LDB2: variants seen among roughly 807,000 people sequenced by gnomAD.
The protein encoded by LDB2 is LIM domain binding 2, also known as LIM domain-binding protein 2.
A neutral mutation model predicts 44.3 loss-of-function variants in LDB2; 12 were observed. That is an observed-to-expected ratio of 0.27 (90% CI 0.17 to 0.44). The LOEUF is 0.44. Among genes scored for constraint, LDB2 ranks in the 20% least tolerant of loss-of-function variants. LDB2 has a pLI of 1.00. For synonymous variants in LDB2, 164 were observed against 174.8 expected (o/e 0.94, Z 0.49); for missense variants, 344 against 473.5 (o/e 0.73, Z 2.54).
At chr4:16,509,131 T>C (rs1323843545) in intron 6 of LDB2, among the ~76,000 whole-genome samples, 1 of 152,166 alleles carries the variant, frequency 6.6e-6, no homozygotes, top group African/African-American at 2.4e-5. Flanking sequence ...GTATGAACTT[T>C]AAATAGCCAA....
At chr4:16,653,374 T>C (rs1344652262) in intron 2 of LDB2, among the ~76,000 whole-genome samples, 1 of 152,174 alleles carries the variant, frequency 6.6e-6, no homozygotes, top group Non-Finnish European at 1.5e-5. Context: ...GAGCTGACAA[T>C]TGGCATTTGG....
rs1339797192 is a variant in LDB2, at chr4:16,582,592, C to G, written c.615+3330G>C. Among the ~76,000 whole-genome samples the G allele has an allele frequency of 6.6e-6, 1 of 152,168 alleles. No individual in the cohort carries two copies. Among genetic ancestry groups the G allele is most frequent in the African/African-American group, 2.4e-5 (1 of 41,426 alleles). On this transcript the variant is annotated intron_variant, in intron 5 of 7. Transcript: ENST00000304523. This position sits in a 1 kb window ranked among gnomAD's most constrained non-coding sequence, Gnocchi z 4.8. ...AACACTGAGGACATGCTTCGTGAAA[C>G]CCACCACCCGGTATCGGAATACCCA...
At chr4:16,863,940 G>A (rs1713698402) in intron 1 of LDB2, among the ~76,000 whole-genome samples, 1 of 152,156 alleles carries the variant, frequency 6.6e-6, no homozygotes, top group Non-Finnish European at 1.5e-5. Flanking sequence ...GATTACAGGC[G>A]TGAGCCACCG....
chr4:16,670,874 G>A (rs1744555265), intron 2 of LDB2, among the ~76,000 whole-genome samples: 1 of 152,152 alleles, frequency 6.6e-6, no homozygotes, highest in African/African-American at 2.4e-5. Context: ...TTTACAATAT[G>A]CAGTTGTATG....
intron 1 of LDB2, among the ~76,000 whole-genome samples, chr4:16,833,843 C>A (rs930039201): frequency 1.3e-5 from 2 of 151,988 alleles, no homozygotes; most frequent in African/African-American, 4.8e-5. Context: ...ACCCCGCCCT[C>A]CTCATTTTCT....
chr4:16,583,591 G>T (rs1376149931), intron 5 of LDB2, among the ~76,000 whole-genome samples: 2 of 152,202 alleles, frequency 1.3e-5, no homozygotes, highest in African/African-American at 4.8e-5. Context: ...GCTACTAGAA[G>T]AATCTTAAAT....
chr4:16,685,879 T>C (rs1163701510), intron 2 of LDB2, among the ~76,000 whole-genome samples: 3 of 152,066 alleles, frequency 2.0e-5, no homozygotes, highest in African/African-American at 7.2e-5. Flanking sequence ...CGAAATCCCG[T>C]CTCTACTAAA....
intron 1 of LDB2, among the ~76,000 whole-genome samples, chr4:16,763,073 C>CCACACA (rs57168902): frequency 1.2e-3 from 164 of 140,234 alleles, no homozygotes; most frequent in South Asian, 6.8e-3. Flanking sequence ...TTAGGTAACA[C>CCACACA]CACACACACA....
intron 1 of LDB2, among the ~76,000 whole-genome samples, chr4:16,886,761 G>A (rs973719854): frequency 1.4e-4 from 22 of 151,948 alleles, no homozygotes; most frequent in African/African-American, 4.4e-4. Flanking sequence ...GGCTGGGCAC[G>A]GTGGCTCACA....
intron 1 of LDB2, among the ~76,000 whole-genome samples, chr4:16,846,791 T>G (rs907717084): frequency 6.6e-6 from 1 of 152,176 alleles, no homozygotes; most frequent in African/African-American, 2.4e-5. Context: ...CCAAATCACA[T>G]GGACAATGCA....
At chr4:16,859,759 A>C (rs934340908) in intron 1 of LDB2, among the ~76,000 whole-genome samples, 4 of 152,356 alleles carry the variant, frequency 2.6e-5, no homozygotes, top group South Asian at 2.1e-4. Context: ...GGGTTACTGA[A>C]AAGAAAAAGA....
rs185878589 is a variant in LDB2, at chr4:16,714,615, C to T, written c.235+44543G>A. ...AGCCTGGTAGTTTCCTGTCTGCTAT[C>T]ACATATTACAAATGGGGTGACTTAA... is the stretch of plus-strand genomic sequence containing the variant. On this transcript the variant is annotated intron_variant, in intron 2 of 7. Coordinates refer to ENST00000304523, the MANE Select transcript of LDB2 (RefSeq NM_001290.5). Among the ~76,000 whole-genome samples, 8 of 152,204 alleles carry T rather than the reference C, an allele frequency of 5.3e-5. No homozygotes were observed. The East Asian group carries it at 1.5e-3, about 29-fold the overall frequency.
intron 1 of LDB2, among the ~76,000 whole-genome samples, chr4:16,823,053 C>T (rs17814784): frequency 0.018 from 2,788 of 152,250 alleles, 30 homozygotes; most frequent in South Asian, 0.035. Context: ...TCATCATGTC[C>T]GGCACTCCTC....
chr4:16,883,180 A>G (rs1720659721), intron 1 of LDB2, among the ~76,000 whole-genome samples: 2 of 152,208 alleles, frequency 1.3e-5, no homozygotes, highest in African/African-American at 4.8e-5. Context: ...GGAGAAAAAG[A>G]GCTGAAGGAG....
intron 1 of LDB2, among the ~76,000 whole-genome samples, chr4:16,776,556 G>A (rs1007564561): frequency 6.6e-5 from 10 of 152,264 alleles, no homozygotes; most frequent in Non-Finnish European, 1.2e-4. Flanking sequence ...GAATTCATTC[G>A]TGCATTCAGA....
At chr4:16,558,488 A>C (rs970156532) in intron 5 of LDB2, among the ~76,000 whole-genome samples, 1 of 152,236 alleles carries the variant, frequency 6.6e-6, no homozygotes, top group Non-Finnish European at 1.5e-5. Context: ...AATGAAATGA[A>C]GCGAGAAGGG....
At chr4:16,552,251 A>G (rs1173557753) in intron 5 of LDB2, among the ~76,000 whole-genome samples, 1 of 152,208 alleles carries the variant, frequency 6.6e-6, no homozygotes, top group Non-Finnish European at 1.5e-5. Flanking sequence ...ATTAATGAAT[A>G]TATTTCAGAT....
chr4:16,556,668 A>G (rs1233530972), intron 5 of LDB2, among the ~76,000 whole-genome samples: 3 of 152,248 alleles, frequency 2.0e-5, no homozygotes, highest in Non-Finnish European at 4.4e-5. Context: ...GAGACCTCTA[A>G]TAAGAGAAAA....
intron 1 of LDB2, among the ~76,000 whole-genome samples, chr4:16,859,089 C>A (rs998637258): frequency 6.6e-5 from 10 of 152,190 alleles, no homozygotes; most frequent in South Asian, 4.1e-4. Flanking sequence ...AGCACTACCA[C>A]CACTCCACAA....
Sources: allele counts gnomAD v4.1 joint callset (sites outside exome capture counted in the v4.1 genomes callset), GRCh38; gene constraint gnomAD v4.1.1; non-coding constraint Gnocchi (gnomAD v3.1); transcripts MANE v1.5; gene names NCBI Gene and HGNC (gene_info 2026-07-23, HGNC 2026-07-21).